The following IMMP2L variants were observed in gnomAD, a reference collection of about 807,000 sequenced individuals.
IMMP2L encodes the protein inner mitochondrial membrane peptidase subunit 2.
Under a neutral mutation model 19.3 loss-of-function variants are expected in IMMP2L, and 18 were observed. That is an observed-to-expected ratio of 0.93 (90% confidence interval 0.64 to 1.38). The LOEUF (loss-of-function observed/expected upper bound fraction) is 1.38. Ranked by LOEUF, IMMP2L falls within the 40% of genes most tolerant of loss-of-function variation. The pLI, the probability that IMMP2L is intolerant of heterozygous loss-of-function variation, is 0.00. For missense variants in IMMP2L, 233 were observed against 218.2 expected, an observed-to-expected ratio of 1.07 and a Z score of -0.43; for synonymous variants, 76 against 73.0, an observed-to-expected ratio of 1.04 and a Z score of -0.21.
chr7:111,208,174 C>T (rs907363241), intron 3 of IMMP2L, among the ~76,000 whole-genome samples: 2 of 152,096 alleles, frequency 1.3e-5, no homozygotes, highest in Non-Finnish European at 2.9e-5. Context: ...AGGCTCATAG[C>T]AAAATGTTCA....
At position 110,764,425 on chromosome 7, in the gene IMMP2L, T is replaced by G. The variant is rs1022621767; in HGVS notation, c.409-100704A>C. ...CCCCCCACTCAAAAAAGGCAAATAT[T>G]CCTATTTGCACTATTCAGCCAAAAA... On this transcript the variant is annotated intron_variant, in intron 5 of 5. Transcript: ENST00000405709. Among the ~76,000 whole-genome samples the G allele has an allele frequency of 2.6e-5, 4 of 152,050 alleles. No individual in the cohort carries two copies. The East Asian group carries it at 7.7e-4, about 29-fold the overall frequency.
chr7:110,971,313 G>T (rs1820121812), intron 3 of IMMP2L, among the ~76,000 whole-genome samples: 1 of 152,112 alleles, frequency 6.6e-6, no homozygotes, highest in African/African-American at 2.4e-5. Flanking sequence ...CATAAGGCTA[G>T]TCTTGAGCAT....
At chr7:110,963,763 G>C (rs1819221924) in intron 3 of IMMP2L, among the ~76,000 whole-genome samples, 198 bp from the exon 4 acceptor site, 1 of 151,662 alleles carries the variant, frequency 6.6e-6, no homozygotes, top group African/African-American at 2.4e-5. Flanking sequence ...AATAAACTCT[G>C]GGGGGGAAAA....
intron 3 of IMMP2L, among the ~76,000 whole-genome samples, chr7:111,148,646 C>T (rs771432466): frequency 6.6e-6 from 1 of 151,870 alleles, no homozygotes; most frequent in Non-Finnish European, 1.5e-5. Flanking sequence ...TTTTAAGCTT[C>T]ACAGAGGACA....
At chr7:111,507,286 T>C (rs1845011338) in intron 2 of IMMP2L, among the ~76,000 whole-genome samples, 1 of 152,182 alleles carries the variant, frequency 6.6e-6, no homozygotes, top group Admixed American at 6.5e-5. Context: ...CACCCTATAT[T>C]TCCTCTAATT....
intron 5 of IMMP2L, among the ~76,000 whole-genome samples, chr7:110,781,611 G>A (rs1045483231): frequency 3.3e-5 from 5 of 151,474 alleles, no homozygotes; most frequent in East Asian, 2.0e-4. Flanking sequence ...TTCCAAAATG[G>A]ACTAAAATAT....
chr7:111,061,689 T>C (rs956655199), intron 3 of IMMP2L, among the ~76,000 whole-genome samples: 1 of 152,194 alleles, frequency 6.6e-6, no homozygotes, highest in Non-Finnish European at 1.5e-5. Context: ...AGAGGTCTTT[T>C]GGGCTCCACT....
At chr7:111,037,818 G>A (rs1791495095) in intron 3 of IMMP2L, among the ~76,000 whole-genome samples, 1 of 152,090 alleles carries the variant, frequency 6.6e-6, no homozygotes, top group Non-Finnish European at 1.5e-5. Context: ...ATAATGAAAA[G>A]GGAGAAACTA....
At chr7:111,242,935 T>A (rs1815293812) in intron 3 of IMMP2L, among the ~76,000 whole-genome samples, 1 of 152,134 alleles carries the variant, frequency 6.6e-6, no homozygotes, top group Non-Finnish European at 1.5e-5. Context: ...CACTGGTATT[T>A]CTTAATTTGT....
intron 3 of IMMP2L, among the ~76,000 whole-genome samples, chr7:111,486,032 T>C (rs767728715): frequency 3.9e-5 from 6 of 152,100 alleles, no homozygotes; most frequent in Non-Finnish European, 8.8e-5. Context: ...TAACCCAGCA[T>C]GGAAAAGGTT....
At chr7:111,293,094 G>C (rs1351778922) in intron 3 of IMMP2L, among the ~76,000 whole-genome samples, 1 of 151,972 alleles carries the variant, frequency 6.6e-6, no homozygotes, top group African/African-American at 2.4e-5. Context: ...CACCTAAGAA[G>C]TGCAGGGAAA....
chr7:110,852,885 G>A (rs146250718), intron 5 of IMMP2L, among the ~76,000 whole-genome samples: 1 of 152,094 alleles, frequency 6.6e-6, no homozygotes, highest in Non-Finnish European at 1.5e-5. Flanking sequence ...GTCTTTTCAT[G>A]GTTCCAGCTC....
At chr7:111,203,735 C>T (rs973576791) in intron 3 of IMMP2L, among the ~76,000 whole-genome samples, 2 of 150,278 alleles carry the variant, frequency 1.3e-5, no homozygotes, top group African/African-American at 4.9e-5. Flanking sequence ...AGGTTTGATA[C>T]AACAAATCAA....
rs1554496351 is a variant in IMMP2L, at chr7:111,031,381, G to GGTGTGT, written c.240-67822_240-67817dup. Among the ~76,000 whole-genome samples the GGTGTGT allele has an allele frequency of 8.5e-3, 616 of 72,640 alleles. 3 individuals are homozygous for GGTGTGT. Among genetic ancestry groups the GGTGTGT allele is most frequent in the Middle Eastern group, 0.021 (3 of 142 alleles). 47.7% of individuals were successfully genotyped at this position (72,640 alleles called of 152,430 possible). On this transcript the variant is annotated intron_variant, in intron 3 of 5. Coordinates refer to ENST00000405709, the MANE Select transcript of IMMP2L (RefSeq NM_032549.4). ...AGTGCTAGAAAATAAGGGGTGTAGG[G>GGTGTGT]GTGTGTGTGTGTGTGTGTGTGTGTG... is the stretch of plus-strand genomic sequence containing the variant.
chr7:110,834,721 A>C (rs1804278848), intron 5 of IMMP2L, among the ~76,000 whole-genome samples: 1 of 152,220 alleles, frequency 6.6e-6, no homozygotes, highest in South Asian at 2.1e-4. Flanking sequence ...GACAGTGCAA[A>C]GTATGAAAGT....
chr7:110,715,060 G>C (rs1481755012), intron 5 of IMMP2L, among the ~76,000 whole-genome samples: 1 of 152,260 alleles, frequency 6.6e-6, no homozygotes, highest in African/African-American at 2.4e-5. Flanking sequence ...TGTGCATATA[G>C]GTGTTCATAT....
At chr7:111,172,563 C>T (rs1806568915) in intron 3 of IMMP2L, among the ~76,000 whole-genome samples, 1 of 151,460 alleles carries the variant, frequency 6.6e-6, no homozygotes, top group Admixed American at 6.6e-5. Flanking sequence ...TATAGTCACC[C>T]TATCGTGCTA....
intron 5 of IMMP2L, among the ~76,000 whole-genome samples, chr7:110,814,960 A>T (rs999994859): frequency 6.6e-6 from 1 of 152,000 alleles, no homozygotes; most frequent in Non-Finnish European, 1.5e-5. Flanking sequence ...ACAAAATACA[A>T]TTGATACAAT....
chr7:111,435,354 A>C (rs1435628776), intron 3 of IMMP2L, among the ~76,000 whole-genome samples: 2 of 151,932 alleles, frequency 1.3e-5, no homozygotes, highest in Admixed American at 6.6e-5. Context: ...TGCAGTCATA[A>C]AAAAGAATGA....
Sources: gnomAD v4.1 joint callset for allele counts (sites outside exome capture counted in the v4.1 genomes callset) on GRCh38, gnomAD v4.1.1 for gene constraint, MANE v1.5 for transcripts, NCBI Gene and HGNC (gene_info 2026-07-23, HGNC 2026-07-21) for gene names.